SPATA13: variants seen among roughly 807,000 people sequenced by gnomAD.
SPATA13 encodes spermatogenesis-associated protein 13.
Under a neutral mutation model 104.0 loss-of-function variants are expected in SPATA13, and 50 were observed. That is an observed-to-expected ratio of 0.48 (90% CI 0.38 to 0.61). The LOEUF (loss-of-function observed/expected upper bound fraction) is 0.61, where lower values mean the gene tolerates loss of function less well. Among genes scored for constraint, SPATA13 ranks in the 20% least tolerant of loss-of-function variants. The pLI is 0.00. For synonymous variants in SPATA13, 606 were observed against 667.5 expected, an observed-to-expected ratio of 0.91 and a Z score of 1.42; for missense variants, 1,524 against 1,690.6, an observed-to-expected ratio of 0.90 and a Z score of 1.73.
intron 3 of SPATA13, among the ~76,000 whole-genome samples, chr13:24,148,499 G>T (rs905166092): frequency 6.6e-6 from 1 of 152,084 alleles, no homozygotes; most frequent in Non-Finnish European, 1.5e-5. Context: ...TCAGTTTTCT[G>T]CTCCTTAACA....
chr13:24,028,866 G>A (rs1427953124), intron 3 of SPATA13, among the ~76,000 whole-genome samples: 1 of 151,686 alleles, frequency 6.6e-6, no homozygotes, highest in Non-Finnish European at 1.5e-5. Flanking sequence ...TTATGTTTCT[G>A]GTCATTTCTA....
chr13:24,181,233 C>T (rs1214046220), intron 1 of SPATA13, among the ~76,000 whole-genome samples: 1 of 152,168 alleles, frequency 6.6e-6, no homozygotes, highest in East Asian at 1.9e-4. Context: ...TTTAGAAATA[C>T]TGTCCACTTA....
At chr13:24,232,442 T>A (rs1872330699) in intron 2 of SPATA13, among the ~76,000 whole-genome samples, 1 of 152,250 alleles carries the variant, frequency 6.6e-6, no homozygotes. Flanking sequence ...AATAATGCTT[T>A]ATCAGCCTTC....
chr13:24,041,553 G>T lies in SPATA13; in HGVS notation c.-112+23852G>T, dbSNP rs543546056. ...ATACCTTGTAGGTCAAAGGTTAAAC[G>T]ATGTTGGAAGCACAGATAAACATGC... On this transcript the variant is annotated intron_variant, in intron 3 of 14. Coordinates refer to the SPATA13 transcript ENST00000424834. Among the ~76,000 whole-genome samples, 5 of 152,358 alleles carry T rather than the reference G, an allele frequency of 3.3e-5. No homozygotes were observed. The South Asian group carries it at 8.3e-4, about 25-fold the overall frequency.
intron 1 of SPATA13, among the ~76,000 whole-genome samples, chr13:24,186,695 A>G (rs1258250694): frequency 6.6e-6 from 1 of 152,162 alleles, no homozygotes; most frequent in East Asian, 1.9e-4. Context: ...CGGGAACATT[A>G]ATTTTCTGCA....
intron 1 of SPATA13, among the ~76,000 whole-genome samples, chr13:24,195,809 T>C (rs1870023266): frequency 6.6e-6 from 1 of 152,142 alleles, no homozygotes; most frequent in Non-Finnish European, 1.5e-5. Flanking sequence ...TTAATATAGC[T>C]AAATATTAAC....
At chr13:24,054,777 T>C (rs1328096107) in intron 3 of SPATA13, among the ~76,000 whole-genome samples, 3 of 152,214 alleles carry the variant, frequency 2.0e-5, no homozygotes, top group African/African-American at 7.2e-5. Context: ...TTTTCACTTG[T>C]ATATAAAATG....
At chr13:24,020,874 T>A (rs1406227581) in intron 3 of SPATA13, among the ~76,000 whole-genome samples, 1 of 152,106 alleles carries the variant, frequency 6.6e-6, no homozygotes, top group African/African-American at 2.4e-5. Context: ...AAAACCGGTC[T>A]CTACTAAAAA....
At chr13:24,207,301 G>A (rs866536648) in intron 1 of SPATA13, among the ~76,000 whole-genome samples, 1 of 152,074 alleles carries the variant, frequency 6.6e-6, no homozygotes, top group Non-Finnish European at 1.5e-5. Context: ...AGGATGATAC[G>A]TGCAGCAAAC....
chr13:24,053,186 G>C (rs1490730818), intron 3 of SPATA13, among the ~76,000 whole-genome samples: 1 of 152,042 alleles, frequency 6.6e-6, no homozygotes, highest in East Asian at 1.9e-4. Context: ...TTGTGTACTT[G>C]CATTTTATAA....
At chr13:24,292,432 G>A (rs1220059649) in intron 9 of SPATA13, among the ~76,000 whole-genome samples, 1 of 152,200 alleles carries the variant, frequency 6.6e-6, no homozygotes, top group Non-Finnish European at 1.5e-5. Context: ...CAGGGGTCTA[G>A]GCTAAAGCTG....
intron 3 of SPATA13, among the ~76,000 whole-genome samples, chr13:24,045,831 C>A (rs1429296162): frequency 6.6e-6 from 1 of 152,204 alleles, no homozygotes; most frequent in Non-Finnish European, 1.5e-5. Flanking sequence ...TCCTCACCTC[C>A]TCATGGTCAG....
intron 3 of SPATA13, among the ~76,000 whole-genome samples, chr13:24,050,152 G>A (rs1301737722): frequency 6.6e-6 from 1 of 152,198 alleles, no homozygotes; most frequent in Non-Finnish European, 1.5e-5. Context: ...TTACAAGTGT[G>A]AGCCACCATG....
At chr13:24,001,103 G>A (rs1220850901) in intron 2 of SPATA13, among the ~76,000 whole-genome samples, 1 of 152,130 alleles carries the variant, frequency 6.6e-6, no homozygotes, top group Non-Finnish European at 1.5e-5. Context: ...AGTTCTTCCA[G>A]GCTGGCCGAG....
intron 3 of SPATA13, among the ~76,000 whole-genome samples, chr13:24,112,062 T>A (rs1315377560): frequency 6.6e-6 from 1 of 152,170 alleles, no homozygotes; most frequent in African/African-American, 2.4e-5. Context: ...AAAGCAGCAT[T>A]TTTATACAGT....
chr13:24,130,588 A>G (rs117017717), intron 3 of SPATA13, among the ~76,000 whole-genome samples: 2,086 of 152,318 alleles, frequency 0.014, 25 homozygotes, highest in Non-Finnish European at 0.019. Flanking sequence ...CAAGATCAGA[A>G]GTTTAAAGGT....
intron 3 of SPATA13, chr13:24,122,000 G>C (rs969188606): frequency 8.9e-7 from 1 of 1,124,402 alleles, no homozygotes; most frequent in Non-Finnish European, 1.4e-6. Flanking sequence ...ACCACTTCTG[G>C]AACCACTGCT....
chr13:24,058,000 C>T (rs1013843363), intron 3 of SPATA13, among the ~76,000 whole-genome samples: 7 of 151,740 alleles, frequency 4.6e-5, no homozygotes, highest in Non-Finnish European at 7.4e-5. Flanking sequence ...ATGTTCATGG[C>T]CAAATTCAAG....
intron 2 of SPATA13, among the ~76,000 whole-genome samples, chr13:23,986,021 G>A (rs1180334098): frequency 6.6e-6 from 1 of 152,210 alleles, no homozygotes; most frequent in Admixed American, 6.5e-5. Context: ...GTGATCTGGA[G>A]CTGGAGGAGT....
Sources: allele counts gnomAD v4.1 joint callset (sites outside exome capture counted in the v4.1 genomes callset), GRCh38; gene constraint gnomAD v4.1.1; transcripts MANE v1.5; gene names NCBI Gene and HGNC (gene_info 2026-07-23, HGNC 2026-07-21).